Variants in SLC30A5 observed in about 807,000 individuals in gnomAD.
The protein encoded by SLC30A5 is proton-coupled zinc antiporter SLC30A5.
Under a neutral mutation model 79.6 loss-of-function variants are expected in SLC30A5, and 33 were observed. The observed-to-expected ratio is 0.41, with a 90% CI of 0.31 to 0.55. SLC30A5 has a LOEUF of 0.55. SLC30A5 is among the 20% of genes least tolerant of loss of function. The pLI, the probability that SLC30A5 is intolerant of heterozygous loss-of-function variation, is 0.20. For missense variants in SLC30A5, 788 were observed against 928.1 expected (o/e 0.85, Z 1.96); for synonymous variants, 299 against 319.7 (o/e 0.94, Z 0.69).
At chr5:69,095,451 C>G (rs988140446) in intron 1 of SLC30A5, among the ~76,000 whole-genome samples, 2 of 152,082 alleles carry the variant, frequency 1.3e-5, no homozygotes, top group African/African-American at 2.4e-5. Context: ...CGGCCTGCCT[C>G]GGTCTTCCAA....
rs554801005 is a variant in SLC30A5, at chr5:69,131,017, A to AT, written c.*1406dup. On this transcript the variant is annotated 3_prime_UTR_variant, in exon 16 of 16. Coordinates refer to ENST00000396591, the MANE Select transcript of SLC30A5 (RefSeq NM_022902.5). ...TTTTTATATTCCTTGTCTTTTGCATATTTTTTGGCCAAAATCTTCAATACA... is the reference window on the plus strand; with the variant it reads ...TTTTTATATTCCTTGTCTTTTGCATATTTTTTTGGCCAAAATCTTCAATACA... The AT allele has an allele frequency of 9.2e-5, 14 of 152,052 alleles. 1 individual carries two copies. Among genetic ancestry groups the AT allele is most frequent in the Admixed American group, 2.6e-4 (4 of 15,250 alleles). The allele number at this position is 152,052 out of a possible 1,614,324, so 9.4% of individuals were successfully genotyped here.
chr5:69,118,385 C>A (rs989617514), intron 11 of SLC30A5, 114 bp from the exon 12 acceptor site: 2 of 601,940 alleles, frequency 3.3e-6, no homozygotes, highest in Non-Finnish European at 5.2e-6. Flanking sequence ...TGCTAATTTT[C>A]TATTATTAAT....
intron 5 of SLC30A5, among the ~76,000 whole-genome samples, chr5:69,109,168 C>A (rs1335694622): frequency 6.6e-6 from 1 of 152,032 alleles, no homozygotes; most frequent in East Asian, 1.9e-4. Context: ...ATAATTTAAT[C>A]ATACATTTAA....
intron 4 of SLC30A5, 53 bp downstream of exon 4, chr5:69,104,769 ATTAT>A: frequency 2.2e-5 from 19 of 867,066 alleles, no homozygotes; most frequent in Non-Finnish European, 2.9e-5. Flanking sequence ...CATTTTGAAT[ATTAT>A]TTTTGTTCCA....
chr5:69,125,916 T>G (rs2451846), intron 14 of SLC30A5, among the ~76,000 whole-genome samples: 55,717 of 137,302 alleles, frequency 0.41, 11,355 homozygotes, highest in East Asian at 0.57. Context: ...TGTAGTAGTA[T>G]CGCACACCTG....
At chr5:69,118,738 C>G in intron 12 of SLC30A5, 110 bp downstream of exon 12, 8 of 759,246 alleles carry the variant, frequency 1.1e-5, no homozygotes, top group Non-Finnish European at 1.5e-5. Context: ...TTATTTTTTA[C>G]TTATATCAAC....
Position 69,116,384 on chromosome 5 carries a change from C to A in SLC30A5, c.1073-10C>A. 6.4e-7 allele frequency: 1 copy of A among 1,558,498 alleles called. No individual in the cohort carries two copies. The highest frequency in any genetic ancestry group is 8.6e-7 in the Non-Finnish European group (1 of 1,157,146). On this transcript the variant is annotated splice_polypyrimidine_tract_variant and intron_variant, in intron 9 of 15. Coordinates refer to ENST00000396591, the MANE Select transcript of SLC30A5 (RefSeq NM_022902.5). This position sits in a 1 kb window ranked among gnomAD's most constrained non-coding sequence, Gnocchi z 4.0. The stretch of plus-strand genomic sequence containing the variant: ...GAAAATTTAAACAATATTGTTTTTT[C>A]TCTTTGTAGCTGCCAATATCTTATC...
At chr5:69,127,491 A>T (rs1354655534) in intron 14 of SLC30A5, among the ~76,000 whole-genome samples, 3 of 146,964 alleles carry the variant, frequency 2.0e-5, no homozygotes, top group South Asian at 2.1e-4. Flanking sequence ...AAAAAAAAAA[A>T]AAAATTTAGC....
At position 69,114,479 on chromosome 5, in the gene SLC30A5, G is replaced by A; in HGVS notation, c.595G>A (p.Gly199Ser). 6.2e-7 allele frequency: 1 copy of A among 1,600,468 alleles called. No individual in the cohort carries two copies. Residue 199 changes from glycine to serine, a missense_variant, in exon 7 of 16, where the codon GGT becomes AGT. Transcript: ENST00000396591. ...HMLYTAIAFL[G>S]VADHKGGVLL... ...GCTTTACACAGCCATTGCCTTCTTA[G>A]GTGTGGCAGATCACAAGGTATGATT...
At chr5:69,108,227 T>A in intron 4 of SLC30A5, 122 bp from the exon 5 acceptor site, 1 of 733,808 alleles carries the variant, frequency 1.4e-6, no homozygotes. Context: ...TGTACCTATT[T>A]ATTTTTCTTA....
chr5:69,114,569 T>C lies in SLC30A5; in HGVS notation c.612+73T>C, dbSNP rs544522980. On this transcript the variant is annotated intron_variant, in intron 7 of 15. Coordinates refer to ENST00000396591, the MANE Select transcript of SLC30A5 (RefSeq NM_022902.5). ...TAGCAACTATAACTATAAAGGTACA[T>C]TTAAAATAAATTATCAGCTGGGCCC... is the stretch of plus-strand genomic sequence containing the variant. The C allele has an allele frequency of 5.5e-4, 551 of 1,003,558 alleles. 2 individuals are homozygous for C. The highest frequency in any genetic ancestry group is 1.0e-3 in the South Asian group (80 of 77,426). 62.2% of individuals were successfully genotyped at this position (1,003,558 alleles called of 1,614,324 possible). A position where few individuals can be genotyped will look rare whatever the true frequency, so the allele number is the denominator to read the frequency against.
rs756713334 is a variant in SLC30A5, at chr5:69,115,310, T to TCGA, written c.689_691dup (p.Asp230dup). On this transcript the variant is annotated inframe_insertion, in exon 8 of 16. Coordinates refer to ENST00000396591, the MANE Select transcript of SLC30A5 (RefSeq NM_022902.5). ...CATACAGCTTCCAGAAAGCTCTCTG[T>TCGA]CGACGTTGGTGGAGCTAAACGTCTT... 4.3e-5 allele frequency: 70 copies of TCGA among 1,614,014 alleles called. No homozygotes were observed. Among genetic ancestry groups the TCGA allele is most frequent in the Non-Finnish European group, 5.8e-5 (68 of 1,179,984 alleles).
intron 1 of SLC30A5, among the ~76,000 whole-genome samples, chr5:69,099,047 A>G (rs541696818): frequency 9.8e-5 from 15 of 152,362 alleles, no homozygotes; most frequent in African/African-American, 2.9e-4. Context: ...AAATTCAACC[A>G]GTCCTGAGTT....
chr5:69,127,473 C>CAAAAAAAA (rs70989993), intron 14 of SLC30A5, among the ~76,000 whole-genome samples: 59 of 76,478 alleles, frequency 7.7e-4, no homozygotes, highest in Non-Finnish European at 1.1e-3. Context: ...TACTAAAATA[C>CAAAAAAAA]AAAAAAAAAA....
chr5:69,115,985 C>T lies in SLC30A5; in HGVS notation c.843C>T (p.Val281=). 6.2e-7 allele frequency: 1 copy of T among 1,613,724 alleles called. No individual in the cohort carries two copies. Among genetic ancestry groups the T allele is most frequent in the Non-Finnish European group, 8.5e-7 (1 of 1,179,860 alleles). ...IMPFATVIFF[V]MILDFYVDSI... is the part of the protein sequence containing the mutation. ...CTTTTGCAACGGTTATCTTTTTTGTCATGATCCTGGATTTCTACGTGGATT... is the reference window on the plus strand; with the variant it reads ...CTTTTGCAACGGTTATCTTTTTTGTTATGATCCTGGATTTCTACGTGGATT... The change falls in exon 9 of 16, where the codon GTC becomes GTT. Residue 281 remains valine, a synonymous_variant. Transcript: ENST00000396591.
rs1256739375 is a variant in SLC30A5 at position 69,129,609 on chromosome 5, A to G, written c.2290A>G (p.Ile764Val). Residue 764 changes from isoleucine (I) to valine (V), a missense_variant, in exon 16 of 16, where the codon ATC becomes GTC. Ile to Val is a conservative substitution (Grantham distance 29). Around this residue, in one of 3 missense-constraint regions of SLC30A5, gnomAD observed 158 missense variants for 156.2 expected, o/e 1.01. Transcript: ENST00000396591. ...GAAATACTGCAAAGATGGTACTTAC[A>G]TCATGTGAGATAACTCAAGAATTAC... Reference protein sequence around the residue: ...SMKYCKDGTYIM With the variant: ...SMKYCKDGTYVM 2 of 1,606,888 alleles carry G rather than the reference A, an allele frequency of 1.2e-6. No homozygotes were observed. The highest frequency in any genetic ancestry group is 1.7e-6 in the Non-Finnish European group (2 of 1,177,004).
intron 1 of SLC30A5, among the ~76,000 whole-genome samples, chr5:69,098,864 A>C (rs1344221969): frequency 6.6e-6 from 1 of 152,244 alleles, no homozygotes; most frequent in East Asian, 1.9e-4. Flanking sequence ...CCTTCCCCGC[A>C]AAGAGGACTT....
Position 69,123,365 on chromosome 5 carries a change from G to C in SLC30A5, c.1938G>C (p.Gln646His). Residue 646 changes from glutamine to histidine, a missense_variant, in exon 14 of 16, where the codon CAG becomes CAC. This residue lies in a region of SLC30A5 where 158 missense variants were observed against 156.2 expected (regional missense o/e 1.01). Coordinates refer to ENST00000396591, the MANE Select transcript of SLC30A5 (RefSeq NM_022902.5). ...SVVPLIKDAC[Q>H]VLLLRLPPEY... ...TTCCACTGATTAAAGATGCCTGCCA[G>C]GTTCTACTCCTGAGATTGCCACCAG... The C allele has an allele frequency of 7.4e-6, 12 of 1,613,988 alleles. No individual in the cohort carries two copies. Among genetic ancestry groups the C allele is most frequent in the East Asian group, 2.2e-5 (1 of 44,864 alleles).
At chr5:69,126,066 T>C (rs1213670131) in intron 14 of SLC30A5, among the ~76,000 whole-genome samples, 1 of 151,820 alleles carries the variant, frequency 6.6e-6, no homozygotes, top group Non-Finnish European at 1.5e-5. Context: ...AACAGTCATG[T>C]AGAAAAATAA....
Sources: allele counts gnomAD v4.1 joint callset (sites outside exome capture counted in the v4.1 genomes callset), GRCh38; gene constraint gnomAD v4.1.1; regional missense constraint gnomAD v4.1.1; non-coding constraint Gnocchi (gnomAD v3.1); transcripts MANE v1.5; gene names NCBI Gene and HGNC (gene_info 2026-07-23, HGNC 2026-07-21).